Variants in TRAPPC10 observed in about 807,000 individuals in gnomAD.
The protein encoded by TRAPPC10 is trafficking protein particle complex subunit 10, also known as TRAPP 130 kDa subunit.
A neutral mutation model predicts 125.5 loss-of-function variants in TRAPPC10; 23 were observed. That is an observed-to-expected ratio of 0.18 (90% CI 0.13 to 0.26). The LOEUF (loss-of-function observed/expected upper bound fraction) is 0.26. TRAPPC10 is among the 10% of genes least tolerant of loss of function. The pLI, the probability that TRAPPC10 is intolerant of heterozygous loss-of-function variation, is 1.00. For missense variants in TRAPPC10, 1,123 were observed against 1,308.4 expected (o/e 0.86, Z 2.19); for synonymous variants, 509 against 518.0 (o/e 0.98, Z 0.24).
Position 44,063,960 on chromosome 21 carries a change from C to G in TRAPPC10, c.1038+175C>G, listed in dbSNP as rs968433493. 1.3e-5 allele frequency among the ~76,000 whole-genome samples: 2 copies of G among 152,132 alleles called. No homozygotes were observed. The highest frequency in any genetic ancestry group is 4.8e-5 in the African/African-American group (2 of 41,418). On this transcript the variant is annotated intron_variant, in intron 7 of 22. Transcript: ENST00000291574. The surrounding 1 kb of genome is among the most constrained non-coding windows in gnomAD (Gnocchi z 4.4). ...TTACTTTTTACGTTGATAAATTGCT[C>G]AAAAATAGAACTCTGTTCTCAACAT...
intron 11 of TRAPPC10, 198 bp from the exon 12 acceptor site, chr21:44,079,366 G>A (rs1222946997): frequency 1.9e-6 from 1 of 537,654 alleles, no homozygotes. Flanking sequence ...TCAGATCTTT[G>A]CCTGGGAGTC....
At chr21:44,052,157 T>G in intron 3 of TRAPPC10, 123 bp from the exon 4 acceptor site, 1 of 832,608 alleles carries the variant, frequency 1.2e-6, no homozygotes, top group Non-Finnish European at 1.8e-6. Flanking sequence ...TCAATTTAAG[T>G]CCCGAGCCTG....
At chr21:44,027,582 G>C (rs1301189591) in intron 1 of TRAPPC10, among the ~76,000 whole-genome samples, 3 of 152,182 alleles carry the variant, frequency 2.0e-5, no homozygotes. Flanking sequence ...GCGCTCATTT[G>C]CTTGATGTTG....
chr21:44,025,389 T>C (rs1328525724), intron 1 of TRAPPC10, among the ~76,000 whole-genome samples: 2 of 152,246 alleles, frequency 1.3e-5, no homozygotes, highest in African/African-American at 4.8e-5. Flanking sequence ...CTTTTTAACT[T>C]GTAAATACAG....
chr21:44,077,659 T>C, intron 10 of TRAPPC10, 34 bp from the exon 11 acceptor site: 1 of 1,455,934 alleles, frequency 6.9e-7, no homozygotes, highest in Non-Finnish European at 9.6e-7. Context: ...CATTAAAAGT[T>C]CAAGTACATA....
chr21:44,053,465 A>G (rs1224506805), intron 4 of TRAPPC10, among the ~76,000 whole-genome samples: 1 of 152,212 alleles, frequency 6.6e-6, no homozygotes, highest in Non-Finnish European at 1.5e-5. Context: ...AATGTGCCGT[A>G]AGTTATTTAT....
At chr21:44,027,628 A>G (rs2033186458) in intron 1 of TRAPPC10, among the ~76,000 whole-genome samples, 1 of 152,174 alleles carries the variant, frequency 6.6e-6, no homozygotes. Context: ...CTTGGTTTCC[A>G]TATGAGGGTT....
chr21:44,069,059 A>T (rs1039876596), intron 7 of TRAPPC10, among the ~76,000 whole-genome samples: 4 of 152,186 alleles, frequency 2.6e-5, no homozygotes, highest in Non-Finnish European at 5.9e-5. Flanking sequence ...AAAATAAGAA[A>T]ACTCTTGAAG....
intron 7 of TRAPPC10, among the ~76,000 whole-genome samples, chr21:44,068,079 C>A (rs1468410236): frequency 6.7e-6 from 1 of 149,784 alleles, no homozygotes; most frequent in Non-Finnish European, 1.5e-5. Flanking sequence ...GAGATCATGC[C>A]ACTGCACTCC....
chr21:44,041,631 C>CA (rs1351414496), intron 3 of TRAPPC10, among the ~76,000 whole-genome samples: 2 of 152,072 alleles, frequency 1.3e-5, no homozygotes, highest in Non-Finnish European at 2.9e-5. Flanking sequence ...CTCAGCCTCT[C>CA]AAAGTTTTGG....
Position 44,016,314 on chromosome 21 carries a change from G to A in TRAPPC10, c.67+3754G>A, listed in dbSNP as rs547693773. ...TCCAAGGGTGTATTAGGAAAGACAC[G>A]TTCCTTTTCCAGCCATCTCATTCAG... On this transcript the variant is annotated intron_variant, in intron 1 of 22. Coordinates refer to ENST00000291574, the MANE Select transcript of TRAPPC10 (RefSeq NM_003274.5). 5.0e-4 allele frequency among the ~76,000 whole-genome samples: 76 copies of A among 152,278 alleles called. 1 individual carries two copies. The Middle Eastern group carries it at 0.02, about 41-fold the overall frequency.
At chr21:44,038,005 G>C (rs546597313) in intron 3 of TRAPPC10, 78 bp downstream of exon 3, 2 of 1,529,676 alleles carry the variant, frequency 1.3e-6, no homozygotes, top group African/African-American at 2.8e-5. Flanking sequence ...GAGTACCAGT[G>C]GGGGAAGAGG....
At chr21:44,046,924 C>T in intron 3 of TRAPPC10, 2 of 842,778 alleles carry the variant, frequency 2.4e-6, no homozygotes, top group South Asian at 2.6e-5. Flanking sequence ...GACTGGCCGT[C>T]CTACATTTCA....
In TRAPPC10 at chr21:44,082,914, C is replaced by T. The variant is rs747843278; in HGVS notation, c.1850C>T (p.Pro617Leu). 3 of 1,613,990 alleles carry T rather than the reference C, an allele frequency of 1.9e-6. No homozygotes were observed. Among genetic ancestry groups the T allele is most frequent in the African/African-American group, 2.7e-5 (2 of 74,900 alleles). Reference protein sequence around the residue: ...CVEITMYSQMPVPVHVEQIVV... With the variant: ...CVEITMYSQMLVPVHVEQIVV... ...GAGATAACCATGTACAGCCAGATGC[C>T]TGTGCCTGTTCACGTGGAGCAGATT... Residue 617 changes from proline to leucine, a missense_variant, in exon 14 of 23, where the codon CCT becomes CTT. By Grantham distance (98) the Pro-to-Leu change is moderately conservative (BLOSUM62 -3). Around this residue, in one of 4 missense-constraint regions of TRAPPC10, gnomAD observed 840 missense variants for 902.0 expected, o/e 0.93. Coordinates refer to ENST00000291574, the MANE Select transcript of TRAPPC10 (RefSeq NM_003274.5). The surrounding 1 kb of genome is among the most constrained non-coding windows in gnomAD (Gnocchi z 4.4).
Position 44,063,706 on chromosome 21 carries a change from TC to T in TRAPPC10, c.961del (p.Leu321CysfsTer12). The T allele has an allele frequency of 6.2e-7, 1 of 1,614,180 alleles. No homozygotes were observed. The highest frequency in any genetic ancestry group is 8.5e-7 in the Non-Finnish European group (1 of 1,180,024). ...LFSRQCTLLL[F>X]LQRPWEVAQR... ...TCTCGCCAGTGCACCTTGCTGCTCT[TC>T]CTGCAGAGGCCGTGGGAGGTGGCCC... On this transcript the variant is annotated frameshift_variant, in exon 7 of 23. Coordinates refer to ENST00000291574, the MANE Select transcript of TRAPPC10 (RefSeq NM_003274.5). LOFTEE classifies it high-confidence loss of function. The surrounding 1 kb of genome is among the most constrained non-coding windows in gnomAD (Gnocchi z 4.4).
intron 15 of TRAPPC10, among the ~76,000 whole-genome samples, chr21:44,085,676 C>T (rs1403551193): frequency 6.6e-6 from 1 of 151,196 alleles, no homozygotes; most frequent in Admixed American, 6.6e-5. Flanking sequence ...CACTGTTCTC[C>T]AGCGTGGGTG....
intron 1 of TRAPPC10, among the ~76,000 whole-genome samples, chr21:44,023,065 C>T (rs1029020577): frequency 1.8e-4 from 20 of 110,706 alleles, no homozygotes; most frequent in African/African-American, 7.8e-4. Flanking sequence ...CAGAGTCTTG[C>T]TCTGTCGCCC....
chr21:44,053,070 G>C (rs926366245), intron 4 of TRAPPC10, among the ~76,000 whole-genome samples: 2 of 151,990 alleles, frequency 1.3e-5, no homozygotes, highest in African/African-American at 4.8e-5. Flanking sequence ...TCTGTATCTC[G>C]TAGCTTAGCA....
Position 44,063,299 on chromosome 21 carries a change from C to T in TRAPPC10, c.791-239C>T, listed in dbSNP as rs752549030. The T allele has an allele frequency of 1.8e-5, 21 of 1,174,532 alleles. 1 individual carries two copies. The highest frequency in any genetic ancestry group is 9.4e-5 in the African/African-American group (6 of 64,054). The allele number at this position is 1,174,532 out of a possible 1,614,324, so 72.8% of individuals were successfully genotyped here. ...GTGACTTCCCAACCTGTTCAGCTCC[C>T]GCCCATGACTTTCTGGGCATGGTAG... On this transcript the variant is annotated intron_variant, in intron 6 of 22. Coordinates refer to ENST00000291574, the MANE Select transcript of TRAPPC10 (RefSeq NM_003274.5). This position sits in a 1 kb window ranked among gnomAD's most constrained non-coding sequence, Gnocchi z 4.4.
Sources: allele counts gnomAD v4.1 joint callset (sites outside exome capture counted in the v4.1 genomes callset), GRCh38; gene constraint gnomAD v4.1.1; regional missense constraint gnomAD v4.1.1; non-coding constraint Gnocchi (gnomAD v3.1); transcripts MANE v1.5; gene names NCBI Gene and HGNC (gene_info 2026-07-23, HGNC 2026-07-21).